PLCB1: variants seen among roughly 807,000 people sequenced by gnomAD.
PLCB1 encodes the protein 1-phosphatidylinositol 4,5-bisphosphate phosphodiesterase beta-1.
A neutral mutation model predicts 161.8 loss-of-function variants in PLCB1; 46 were observed. The observed-to-expected ratio is 0.28, with a 90% CI of 0.22 to 0.36. The LOEUF is 0.36. PLCB1 is among the 10% of genes least tolerant of loss of function. The probability of loss-of-function intolerance (pLI) is 1.00; values close to 1 mark genes in which losing one functional copy is unlikely to be tolerated. For missense variants in PLCB1, 1,016 were observed against 1,472.5 expected (o/e 0.69, Z 5.07); for synonymous variants, 517 against 503.7 (o/e 1.03, Z -0.35).
chr20:8,423,702 A>G (rs997003344), intron 3 of PLCB1, among the ~76,000 whole-genome samples: 1 of 152,192 alleles, frequency 6.6e-6, no homozygotes, highest in Non-Finnish European at 1.5e-5. Context: ...CAGGATAATA[A>G]ATCAAGTAAG....
rs1049532508 is a variant in PLCB1 at position 8,463,986 on chromosome 20, G to A, written c.246+92536G>A. ...AGTTGGTTCTGTAGGAAATCCTCCC[G>A]GGAGTATTGTTAAATATTTTCCATT... On this transcript the variant is annotated intron_variant, in intron 3 of 31. Transcript: ENST00000338037. Among the ~76,000 whole-genome samples the A allele has an allele frequency of 1.4e-4, 21 of 152,174 alleles. No individual in the cohort carries two copies. The South Asian group carries it at 2.3e-3, about 17-fold the overall frequency.
chr20:8,501,291 C>T (rs770504251), intron 3 of PLCB1, among the ~76,000 whole-genome samples: 2 of 152,240 alleles, frequency 1.3e-5, no homozygotes, highest in Non-Finnish European at 2.9e-5. Context: ...TCCATCCTCG[C>T]TGTCAGATCA....
At chr20:8,817,158 CAGAG>C (rs931777716) in intron 31 of PLCB1, among the ~76,000 whole-genome samples, 9 of 152,160 alleles carry the variant, frequency 5.9e-5, no homozygotes, top group African/African-American at 2.2e-4. Context: ...GAAAACAAAA[CAGAG>C]AGACCTGAGC....
intron 31 of PLCB1, among the ~76,000 whole-genome samples, chr20:8,871,006 C>T (rs1285029896): frequency 6.6e-6 from 1 of 152,164 alleles, no homozygotes; most frequent in Non-Finnish European, 1.5e-5. Flanking sequence ...TAGCATGCCC[C>T]ACCCCAGATC....
chr20:8,141,900 T>C (rs1033951202), intron 1 of PLCB1: 1 of 152,186 alleles, frequency 6.6e-6, no homozygotes, highest in Non-Finnish European at 1.5e-5. Context: ...ATAGAAATCA[T>C]GGACCATGGA....
intron 2 of PLCB1, among the ~76,000 whole-genome samples, chr20:8,261,370 C>G (rs939515238): frequency 6.6e-6 from 1 of 152,142 alleles, no homozygotes; most frequent in Non-Finnish European, 1.5e-5. Context: ...CTCCCCTTAT[C>G]TCTTCACTAA....
At chr20:8,709,020 T>C (rs1600266484) in intron 12 of PLCB1, among the ~76,000 whole-genome samples, 1 of 152,208 alleles carries the variant, frequency 6.6e-6, no homozygotes, top group African/African-American at 2.4e-5. Flanking sequence ...GTGGAACACA[T>C]TTTTCTACAC....
At chr20:8,498,981 C>G (rs1471960973) in intron 3 of PLCB1, among the ~76,000 whole-genome samples, 2 of 152,162 alleles carry the variant, frequency 1.3e-5, no homozygotes, top group Non-Finnish European at 2.9e-5. Context: ...TGAGTGTATG[C>G]TGTATAAAAA....
At chr20:8,382,351 C>T (rs1283305195) in intron 3 of PLCB1, among the ~76,000 whole-genome samples, 6 of 145,284 alleles carry the variant, frequency 4.1e-5, no homozygotes, top group Non-Finnish European at 9.0e-5. Context: ...GGTGTGATCT[C>T]GGCTCTCTGC....
At chr20:8,405,156 C>T (rs1021807367) in intron 3 of PLCB1, among the ~76,000 whole-genome samples, 6 of 152,102 alleles carry the variant, frequency 3.9e-5, no homozygotes, top group Non-Finnish European at 7.4e-5. Context: ...CTGAGTGGTT[C>T]TGGGTTCATG....
intron 3 of PLCB1, among the ~76,000 whole-genome samples, chr20:8,577,277 A>C (rs1986699140): frequency 6.6e-6 from 1 of 151,248 alleles, no homozygotes; most frequent in East Asian, 1.9e-4. Flanking sequence ...AAAATACAAA[A>C]AAAAAAAAAA....
chr20:8,876,853 A>G (rs1987798869), intron 31 of PLCB1, among the ~76,000 whole-genome samples: 1 of 152,240 alleles, frequency 6.6e-6, no homozygotes. Flanking sequence ...GTAAACTTCT[A>G]ACTGTGAGAG....
intron 3 of PLCB1, among the ~76,000 whole-genome samples, chr20:8,540,137 C>A (rs1985250320): frequency 6.6e-6 from 1 of 151,916 alleles, no homozygotes; most frequent in Non-Finnish European, 1.5e-5. Context: ...ACACATTATA[C>A]TATACTAAAG....
chr20:8,875,507 AT>A lies in PLCB1; in HGVS notation c.3424-6110del, dbSNP rs1242301919. Among the ~76,000 whole-genome samples the A allele has an allele frequency of 5.4e-5, 8 of 147,538 alleles. No homozygotes were observed. The East Asian group carries it at 5.8e-4, about 11-fold the overall frequency. On this transcript the variant is annotated intron_variant, in intron 31 of 31. Transcript: ENST00000338037. ...AAAATATTTATATAACATATAAAAT[AT>A]TTTTATATATAAATATAATATATTA...
At position 8,334,938 on chromosome 20, in the gene PLCB1, G is replaced by A. The variant is rs1034342086; in HGVS notation, c.178-36444G>A. ...GGCAATTAGTCAAAGTTCAGACATC[G>A]AGTTTCAGACTCTTCATAAAATTTC... On this transcript the variant is annotated intron_variant, in intron 2 of 31. Coordinates refer to ENST00000338037, the MANE Select transcript of PLCB1 (RefSeq NM_015192.4). Among the ~76,000 whole-genome samples, 4 of 152,216 alleles carry A rather than the reference G, an allele frequency of 2.6e-5. No individual in the cohort carries two copies. The East Asian group carries it at 7.7e-4, about 29-fold the overall frequency.
At chr20:8,630,000 TTC>T (rs770345785) in intron 4 of PLCB1, among the ~76,000 whole-genome samples, 1 of 108,044 alleles carries the variant, frequency 9.3e-6, no homozygotes, top group Non-Finnish European at 1.9e-5. Context: ...CTTTCTTTCT[TTC>T]TTTCTTTCTC....
At chr20:8,600,113 C>T (rs2123135643) in intron 3 of PLCB1, among the ~76,000 whole-genome samples, 2 of 130,068 alleles carry the variant, frequency 1.5e-5, no homozygotes, top group East Asian at 2.2e-4. Context: ...CAAAGTCATT[C>T]TCCATCCAGC....
chr20:8,345,296 C>A (rs763074262), intron 2 of PLCB1, among the ~76,000 whole-genome samples: 4 of 152,094 alleles, frequency 2.6e-5, no homozygotes, highest in Admixed American at 6.6e-5. Flanking sequence ...CCCATTGGTA[C>A]CCTTGATTGA....
intron 10 of PLCB1, among the ~76,000 whole-genome samples, chr20:8,688,611 C>A (rs541584471): frequency 6.6e-6 from 1 of 152,222 alleles, no homozygotes; most frequent in East Asian, 1.9e-4. Context: ...TGTTTTTCCC[C>A]CACTTTATGT....
Sources: gnomAD v4.1 joint callset for allele counts (sites outside exome capture counted in the v4.1 genomes callset) on GRCh38, gnomAD v4.1.1 for gene constraint, MANE v1.5 for transcripts, NCBI Gene and HGNC (gene_info 2026-07-23, HGNC 2026-07-21) for gene names.